The following KIF6 variants were observed in gnomAD, a reference collection of about 807,000 sequenced individuals.
The protein encoded by KIF6 is kinesin family member 6, also known as kinesin-like protein KIF6.
In KIF6, 106 loss-of-function variants were observed where a neutral mutation model predicts 112.7. The observed-to-expected ratio is 0.94, with a 90% CI of 0.80 to 1.11. KIF6 has a LOEUF of 1.11. Among genes scored for constraint, KIF6 ranks in the 50% least tolerant of loss-of-function variants. KIF6 has a pLI of 0.00. For synonymous variants in KIF6, 339 were observed against 339.9 expected (o/e 1.00, Z 0.03); for missense variants, 929 against 964.0 (o/e 0.96, Z 0.48).
chr6:39,431,827 C>T (rs574556632), intron 13 of KIF6, among the ~76,000 whole-genome samples: 13 of 152,164 alleles, frequency 8.5e-5, no homozygotes, highest in Non-Finnish European at 1.0e-4. Context: ...CTGGGACCCA[C>T]GGTCAGTACA....
chr6:39,398,817 T>C (rs1768469262), intron 15 of KIF6, among the ~76,000 whole-genome samples: 1 of 152,218 alleles, frequency 6.6e-6, no homozygotes, highest in South Asian at 2.1e-4. Flanking sequence ...GATGTTGTGA[T>C]GGTTAGTTTT....
At chr6:39,455,932 T>G (rs1412417159) in intron 13 of KIF6, among the ~76,000 whole-genome samples, 2 of 96,046 alleles carry the variant, frequency 2.1e-5, no homozygotes, top group Non-Finnish European at 4.1e-5. Flanking sequence ...TGGAACCAAG[T>G]TGGAAAACAC....
chr6:39,531,630 T>A (rs1430434701), intron 13 of KIF6, among the ~76,000 whole-genome samples: 1 of 152,138 alleles, frequency 6.6e-6, no homozygotes, highest in African/African-American at 2.4e-5. Flanking sequence ...ACAATGTCAA[T>A]TGGGGAAATT....
intron 13 of KIF6, among the ~76,000 whole-genome samples, chr6:39,471,921 G>A (rs1399986673): frequency 6.6e-6 from 1 of 152,188 alleles, no homozygotes; most frequent in Non-Finnish European, 1.5e-5. Context: ...AGCCATTGAT[G>A]TTGCTGATTC....
chr6:39,550,992 C>T (rs1330485474), intron 10 of KIF6, among the ~76,000 whole-genome samples: 1 of 152,236 alleles, frequency 6.6e-6, no homozygotes, highest in Non-Finnish European at 1.5e-5. Flanking sequence ...ATCTATTCAT[C>T]TGTTGATGGA....
intron 15 of KIF6, among the ~76,000 whole-genome samples, chr6:39,396,408 G>C (rs1018138110): frequency 6.6e-6 from 1 of 152,172 alleles, no homozygotes; most frequent in Non-Finnish European, 1.5e-5. Flanking sequence ...GGGAGCCAAC[G>C]GGGGCCGAGC....
At chr6:39,523,990 T>C (rs2150530078) in intron 13 of KIF6, among the ~76,000 whole-genome samples, 1 of 152,182 alleles carries the variant, frequency 6.6e-6, no homozygotes, top group East Asian at 1.9e-4. Context: ...TCTTTATGCT[T>C]CCCAGTGCTC....
chr6:39,390,939 G>A (rs967810721), intron 15 of KIF6, among the ~76,000 whole-genome samples: 2 of 152,190 alleles, frequency 1.3e-5, no homozygotes, highest in Admixed American at 1.3e-4. Context: ...AGAATAAATT[G>A]TGTAATCCTT....
chr6:39,523,584 C>T (rs1400454894), intron 13 of KIF6, among the ~76,000 whole-genome samples: 1 of 144,146 alleles, frequency 6.9e-6, no homozygotes, highest in Non-Finnish European at 1.5e-5. Flanking sequence ...TGCACATTTG[C>T]TTGAGAAGTT....
At chr6:39,550,109 TTTATGA>T (rs1292303694) in intron 10 of KIF6, among the ~76,000 whole-genome samples, 1 of 152,226 alleles carries the variant, frequency 6.6e-6, no homozygotes, top group African/African-American at 2.4e-5. Context: ...CTTCAATATT[TTTATGA>T]TTATGTTATG....
intron 3 of KIF6, among the ~76,000 whole-genome samples, chr6:39,664,479 G>A (rs556074758): frequency 6.8e-4 from 104 of 152,208 alleles, no homozygotes; most frequent in African/African-American, 2.4e-3. Context: ...CGTGTCCTCC[G>A]GACCCAAAAT....
In KIF6 at chr6:39,708,312, C is replaced by T. The variant is rs534876464; in HGVS notation, c.251+6380G>A. 1.2e-4 allele frequency among the ~76,000 whole-genome samples: 19 copies of T among 152,278 alleles called. No individual in the cohort carries two copies. In the South Asian group the frequency reaches 2.1e-3, roughly 17 times the overall value. ...TCCTTCTCCAAACCTGAGAGGGTAG[C>T]GTCCCTTTACAGTAAGAAGAGAGTG... is the stretch of plus-strand genomic sequence containing the variant. On this transcript the variant is annotated intron_variant, in intron 3 of 22. Coordinates refer to ENST00000287152, the MANE Select transcript of KIF6 (RefSeq NM_145027.6).
At chr6:39,572,176 A>G (rs1780678041) in intron 10 of KIF6, among the ~76,000 whole-genome samples, 1 of 152,198 alleles carries the variant, frequency 6.6e-6, no homozygotes, top group African/African-American at 2.4e-5. Context: ...CTGCAGAGTC[A>G]TTAAAAAACT....
chr6:39,495,915 G>C (rs1052852729), intron 13 of KIF6, among the ~76,000 whole-genome samples: 2 of 152,148 alleles, frequency 1.3e-5, no homozygotes, highest in African/African-American at 4.8e-5. Context: ...AATGGAGGGG[G>C]ATACCTTCAG....
chr6:39,680,159 C>A (rs1787432503), intron 3 of KIF6, among the ~76,000 whole-genome samples: 2 of 152,014 alleles, frequency 1.3e-5, no homozygotes, highest in South Asian at 4.2e-4. Context: ...AGCGGCACAC[C>A]ACCACACCTG....
intron 14 of KIF6, among the ~76,000 whole-genome samples, chr6:39,420,575 G>A (rs2150365151): frequency 6.6e-6 from 1 of 152,260 alleles, no homozygotes; most frequent in African/African-American, 2.4e-5. Context: ...GGCCTACAGG[G>A]CTGAAAATAT....
intron 7 of KIF6, among the ~76,000 whole-genome samples, chr6:39,590,449 A>T (rs1240509919): frequency 0.053 from 5,107 of 96,076 alleles, 481 homozygotes; most frequent in African/African-American, 0.22. Context: ...ATATATATAT[A>T]TATTTTTTTT....
intron 3 of KIF6, among the ~76,000 whole-genome samples, chr6:39,677,939 A>G (rs1380784710): frequency 8.2e-5 from 12 of 145,674 alleles, no homozygotes; most frequent in East Asian, 4.0e-4. Context: ...TCATTGTTGG[A>G]CATTTGGGTT....
At chr6:39,679,620 T>C (rs890460182) in intron 3 of KIF6, among the ~76,000 whole-genome samples, 61 of 147,342 alleles carry the variant, frequency 4.1e-4, no homozygotes, top group African/African-American at 2.2e-4. Context: ...TTTTCTTTTT[T>C]TTTTTTTTTT....
Sources: allele counts gnomAD v4.1 joint callset (sites outside exome capture counted in the v4.1 genomes callset), GRCh38; gene constraint gnomAD v4.1.1; transcripts MANE v1.5; gene names NCBI Gene and HGNC (gene_info 2026-07-23, HGNC 2026-07-21).